FSTL5: variants seen among roughly 807,000 people sequenced by gnomAD.
The protein encoded by FSTL5 is follistatin like 5.
A neutral mutation model predicts 89.1 loss-of-function variants in FSTL5; 62 were observed. That is an observed-to-expected ratio of 0.70 (90% CI 0.57 to 0.86). The LOEUF (loss-of-function observed/expected upper bound fraction) is 0.86, where lower values mean the gene tolerates loss of function less well. Ranked by LOEUF, FSTL5 falls within the 40% of genes least tolerant of loss-of-function variation. The probability of loss-of-function intolerance (pLI) is 0.00; values close to 1 mark genes in which losing one functional copy is unlikely to be tolerated. For missense variants in FSTL5, 1,057 were observed against 1,001.6 expected (o/e 1.06, Z -0.75); for synonymous variants, 383 against 346.2 (o/e 1.11, Z -1.18).
chr4:161,666,814 T>G (rs1404086428), intron 6 of FSTL5, among the ~76,000 whole-genome samples: 1 of 151,996 alleles, frequency 6.6e-6, no homozygotes, highest in Non-Finnish European at 1.5e-5. Flanking sequence ...TGAAAGTAAT[T>G]AGGAGAACTT....
chr4:161,389,867 C>A (rs1478240277), intron 15 of FSTL5, among the ~76,000 whole-genome samples: 1 of 152,052 alleles, frequency 6.6e-6, no homozygotes, highest in Non-Finnish European at 1.5e-5. Context: ...ATTATTATAA[C>A]CCAAGGATGA....
chr4:161,600,239 A>C (rs2126623235), intron 7 of FSTL5, among the ~76,000 whole-genome samples: 1 of 151,822 alleles, frequency 6.6e-6, no homozygotes, highest in African/African-American at 2.4e-5. Flanking sequence ...AAAAACAGCC[A>C]AAAATAAGCT....
chr4:161,803,979 G>C (rs953930255), intron 4 of FSTL5, among the ~76,000 whole-genome samples: 2 of 151,946 alleles, frequency 1.3e-5, no homozygotes, highest in Non-Finnish European at 2.9e-5. Flanking sequence ...TTCAGTCTTT[G>C]AGATTGTGGA....
At chr4:161,730,209 T>G (rs960106954) in intron 6 of FSTL5, among the ~76,000 whole-genome samples, 11 of 152,128 alleles carry the variant, frequency 7.2e-5, no homozygotes, top group African/African-American at 2.7e-4. Context: ...AGAAGAGCTT[T>G]GAATGAAATT....
At chr4:161,408,149 G>A (rs1439114254) in intron 15 of FSTL5, among the ~76,000 whole-genome samples, 4 of 152,098 alleles carry the variant, frequency 2.6e-5, no homozygotes, top group African/African-American at 9.7e-5. Flanking sequence ...CAAGGCCCAT[G>A]AACAGACCTG....
chr4:161,397,940 T>C (rs1731061557), intron 15 of FSTL5, among the ~76,000 whole-genome samples: 1 of 151,992 alleles, frequency 6.6e-6, no homozygotes, highest in African/African-American at 2.4e-5. Context: ...GAATGTAAAT[T>C]AAATCCCTAA....
At chr4:161,709,512 T>C (rs1738701369) in intron 6 of FSTL5, among the ~76,000 whole-genome samples, 2 of 152,128 alleles carry the variant, frequency 1.3e-5, no homozygotes, top group African/African-American at 2.4e-5. Context: ...ATAAGAAGTT[T>C]AAACGTTGGC....
At chr4:162,066,337 T>TCTTCTC (rs1738905672) in intron 2 of FSTL5, among the ~76,000 whole-genome samples, 1 of 137,476 alleles carries the variant, frequency 7.3e-6, no homozygotes, top group Admixed American at 7.5e-5. Flanking sequence ...TTCTTCTTCT[T>TCTTCTC]CTTCTTCTTC....
chr4:161,510,447 G>A (rs1730615475), intron 10 of FSTL5, 23 bp from the exon 11 acceptor site: 1 of 1,453,442 alleles, frequency 6.9e-7, no homozygotes, highest in Non-Finnish European at 9.3e-7. Context: ...GAAAGAAAAA[G>A]AAGAAAAAGA....
At chr4:161,553,628 T>G (rs1732288392) in intron 8 of FSTL5, among the ~76,000 whole-genome samples, 1 of 151,382 alleles carries the variant, frequency 6.6e-6, no homozygotes, top group Admixed American at 6.6e-5. Context: ...TAGCTTAAAT[T>G]GTCTCATATG....
intron 6 of FSTL5, among the ~76,000 whole-genome samples, chr4:161,666,238 AT>A (rs1189699393): frequency 6.6e-6 from 1 of 152,130 alleles, no homozygotes; most frequent in Non-Finnish European, 1.5e-5. Flanking sequence ...CAATCAAGAA[AT>A]CAATAAAAGA....
intron 1 of FSTL5, among the ~76,000 whole-genome samples, chr4:162,146,229 ATATC>A (rs1411860622): frequency 6.6e-6 from 1 of 152,134 alleles, no homozygotes; most frequent in East Asian, 1.9e-4. Context: ...ATGTATTTAT[ATATC>A]TATCTATGAA....
At chr4:162,161,105 C>A (rs1009216169) in intron 1 of FSTL5, among the ~76,000 whole-genome samples, 31 of 151,854 alleles carry the variant, frequency 2.0e-4, no homozygotes, top group African/African-American at 7.2e-4. Flanking sequence ...AAGTTCATCA[C>A]TTTTCTGCAA....
At chr4:161,496,825 G>A (rs1323295267) in intron 12 of FSTL5, among the ~76,000 whole-genome samples, 1 of 152,042 alleles carries the variant, frequency 6.6e-6, no homozygotes, top group Non-Finnish European at 1.5e-5. Context: ...TAGAGATAGA[G>A]ATAGAGATAG....
intron 4 of FSTL5, among the ~76,000 whole-genome samples, chr4:161,914,753 A>G (rs1182413383): frequency 6.6e-6 from 1 of 152,162 alleles, no homozygotes; most frequent in East Asian, 1.9e-4. Flanking sequence ...AACTCAAAAG[A>G]AAATATGGAT....
chr4:161,511,576 A>G (rs1201699976), intron 10 of FSTL5, among the ~76,000 whole-genome samples: 1 of 152,098 alleles, frequency 6.6e-6, no homozygotes, highest in African/African-American at 2.4e-5. Context: ...GTAATGTACA[A>G]TGTGGGTGGT....
At chr4:161,660,820 C>T (rs761618085) in intron 6 of FSTL5, among the ~76,000 whole-genome samples, 8 of 152,066 alleles carry the variant, frequency 5.3e-5, no homozygotes, top group Non-Finnish European at 1.5e-5. Context: ...TTTTTTATGG[C>T]TTCATAGTAT....
chr4:161,848,353 G>T (rs556470630), intron 4 of FSTL5, among the ~76,000 whole-genome samples: 2 of 151,964 alleles, frequency 1.3e-5, no homozygotes, highest in African/African-American at 4.8e-5. Context: ...TACTATTTTT[G>T]AAATTATATT....
chr4:161,755,099 T>C (rs767494480), intron 6 of FSTL5, among the ~76,000 whole-genome samples: 11 of 152,080 alleles, frequency 7.2e-5, no homozygotes, highest in Non-Finnish European at 1.5e-4. Context: ...ACTAAACTTA[T>C]TATTTATTGG....
Sources: gnomAD v4.1 joint callset for allele counts (sites outside exome capture counted in the v4.1 genomes callset) on GRCh38, gnomAD v4.1.1 for gene constraint, MANE v1.5 for transcripts, NCBI Gene and HGNC (gene_info 2026-07-23, HGNC 2026-07-21) for gene names.